Variants in UTP20 observed in about 807,000 individuals in gnomAD.
The protein encoded by UTP20 is small subunit processome component 20 homolog.
In UTP20, 164 loss-of-function variants were observed where a neutral mutation model predicts 329.5. The ratio of observed to expected loss-of-function variants is 0.50; its 90% CI spans 0.44 to 0.57. The LOEUF is 0.57. Ranked by LOEUF, UTP20 falls within the 20% of genes least tolerant of loss-of-function variation. The probability of loss-of-function intolerance (pLI) is 0.00; values close to 1 mark genes in which losing one functional copy is unlikely to be tolerated. For synonymous variants in UTP20, 1,151 were observed against 1,159.3 expected (o/e 0.99, Z 0.14); for missense variants, 3,055 against 3,284.2 (o/e 0.93, Z 1.71).
chr12:101,311,898 A>C, intron 20 of UTP20, 100 bp downstream of exon 20: 2 of 1,552,346 alleles, frequency 1.3e-6, no homozygotes, highest in South Asian at 1.2e-5. Flanking sequence ...ACAGAGATGA[A>C]ACATATATTA....
At chr12:101,381,988 C>T (rs183796107) in intron 58 of UTP20, among the ~76,000 whole-genome samples, 106 of 141,040 alleles carry the variant, frequency 7.5e-4, no homozygotes, top group Admixed American at 2.5e-3. Flanking sequence ...CACTGCACTC[C>T]AGCCTGGGCA....
intron 31 of UTP20, among the ~76,000 whole-genome samples, chr12:101,339,177 G>T (rs1176726889): frequency 6.6e-6 from 1 of 152,140 alleles, no homozygotes; most frequent in Non-Finnish European, 1.5e-5. Flanking sequence ...GCTGGGCGTG[G>T]TGGTGGACAC....
Position 101,345,697 on chromosome 12 carries a change from A to G in UTP20, c.4746+3A>G, listed in dbSNP as rs1191756678. ...TTGAGAACATGAAGCACATTCAGGTAGAAGACAATTCTGCTTTTTCCTACC... is the reference window on the plus strand; with the variant it reads ...TTGAGAACATGAAGCACATTCAGGTGGAAGACAATTCTGCTTTTTCCTACC... On this transcript the variant is annotated splice_donor_region_variant and intron_variant, in intron 37 of 61. Transcript: ENST00000261637. 6.2e-7 allele frequency: 1 copy of G among 1,605,510 alleles called. No homozygotes were observed. The highest frequency in any genetic ancestry group is 1.7e-5 in the Admixed American group (1 of 57,340).
intron 15 of UTP20, 95 bp from the exon 16 acceptor site, chr12:101,305,820 T>C: frequency 7.5e-7 from 1 of 1,339,630 alleles, no homozygotes; most frequent in South Asian, 2.2e-5. Context: ...CTTTTACATT[T>C]TCTTCATCAG....
intron 26 of UTP20, among the ~76,000 whole-genome samples, chr12:101,327,462 T>G (rs1458073441): frequency 6.6e-6 from 1 of 152,232 alleles, no homozygotes; most frequent in East Asian, 1.9e-4. Flanking sequence ...CACCCTTGTG[T>G]TAGAGCCCCT....
chr12:101,302,611 T>C, intron 15 of UTP20, 58 bp downstream of exon 15: 1 of 1,137,228 alleles, frequency 8.8e-7, no homozygotes, highest in South Asian at 1.5e-5. Flanking sequence ...GCCTCTATTG[T>C]TGTGAAATCT....
intron 6 of UTP20, 80 bp downstream of exon 6, chr12:101,289,121 A>G: frequency 7.9e-7 from 1 of 1,265,918 alleles, no homozygotes. Flanking sequence ...TCATGCCTGT[A>G]ATCCCAACAC....
rs1287507270 is a variant in UTP20 at position 101,286,324 on chromosome 12, G to T, written c.330G>T (p.Leu110Phe). The T allele has an allele frequency of 6.3e-7, 1 of 1,591,226 alleles. No individual in the cohort carries two copies. Among genetic ancestry groups the T allele is most frequent in the Admixed American group, 1.8e-5 (1 of 56,546 alleles). The change falls in exon 5 of 62, where the codon TTG becomes TTT. Residue 110 changes from leucine to phenylalanine, a missense_variant. Physicochemically the swap from Leu to Phe is conservative, Grantham distance 22. Around this residue, in one of 3 missense-constraint regions of UTP20, gnomAD observed 2,445 missense variants for 2,575.5 expected, o/e 0.95. Transcript: ENST00000261637. ...GTTGCTTCTTTTTTTAATCCAGTTTGGTTGTACAGTTGGCACGAGATCTGC... is the reference window on the plus strand; with the variant it reads ...GTTGCTTCTTTTTTTAATCCAGTTTTGTTGTACAGTTGGCACGAGATCTGC... Reference protein sequence around the residue: ...NSFAYQPLLDLVVQLARDLQM... With the variant: ...NSFAYQPLLDFVVQLARDLQM...
intron 49 of UTP20, among the ~76,000 whole-genome samples, chr12:101,370,193 G>T (rs1056244375): frequency 2.0e-5 from 3 of 152,162 alleles, no homozygotes; most frequent in Non-Finnish European, 4.4e-5. Flanking sequence ...CTCCAGCCTT[G>T]GTGACAGAGC....
At position 101,363,756 on chromosome 12, in the gene UTP20, A is replaced by G. The variant is rs777123805; in HGVS notation, c.5958+13A>G. ...TCCATTAAAAGAGGTAAGGACGTAA[A>G]TGCAATTCTGGAGATCACAGCATTA... On this transcript the variant is annotated intron_variant, in intron 45 of 61. Coordinates refer to ENST00000261637, the MANE Select transcript of UTP20 (RefSeq NM_014503.3). 1.3e-6 allele frequency: 2 copies of G among 1,544,624 alleles called. No homozygotes were observed. The highest frequency in any genetic ancestry group is 1.8e-6 in the Non-Finnish European group (2 of 1,117,540).
rs1472844098 is a variant in UTP20, at chr12:101,293,213, G to A, written c.1219G>A (p.Glu407Lys). The change falls in exon 11 of 62, where the codon GAA becomes AAA. Residue 407 changes from glutamate to lysine, a missense_variant. Around this residue, in one of 3 missense-constraint regions of UTP20, gnomAD observed 2,445 missense variants for 2,575.5 expected, o/e 0.95. Coordinates refer to ENST00000261637, the MANE Select transcript of UTP20 (RefSeq NM_014503.3). ...FEKRLIFSFS[E>K]VMFAMKQFEQ... ...AAAACGTTTAATTTTCAGTTTTTCT[G>A]AAGTCATGTTTGCCATGAAGCAGTT... 3 of 1,614,094 alleles carry A rather than the reference G, an allele frequency of 1.9e-6. No homozygotes were observed. Among genetic ancestry groups the A allele is most frequent in the Non-Finnish European group, 2.5e-6 (3 of 1,180,026 alleles).
At chr12:101,369,282 A>C (rs1416718180) in intron 48 of UTP20, among the ~76,000 whole-genome samples, 2 of 152,232 alleles carry the variant, frequency 1.3e-5, no homozygotes, top group African/African-American at 2.4e-5. Flanking sequence ...AAAATTGACC[A>C]ACCTATCCAA....
At position 101,383,228 on chromosome 12, in the gene UTP20, G is replaced by A; in HGVS notation, c.7844G>A (p.Arg2615Lys). ...EKEEVKEELG[R>K]PATLLWLIQK... is the part of the protein sequence containing the mutation. Reference sequence around the variant, plus strand: ...GAAGAGGTGAAGGAAGAGCTCGGCAGGCCGGCCACGCTGCTGTGGTTGATC... The same window carrying A: ...GAAGAGGTGAAGGAAGAGCTCGGCAAGCCGGCCACGCTGCTGTGGTTGATC... Residue 2615 changes from arginine (R) to lysine (K), a missense_variant, in exon 59 of 62, where the codon AGG (arginine) becomes AAG (lysine). Arg to Lys is a conservative substitution (Grantham distance 26). This residue lies in a region of UTP20 where 337 missense variants were observed against 345.5 expected (regional missense o/e 0.98). Transcript: ENST00000261637. 6 of 1,614,178 alleles carry A rather than the reference G, an allele frequency of 3.7e-6. No homozygotes were observed. The highest frequency in any genetic ancestry group is 4.2e-6 in the Non-Finnish European group (5 of 1,180,032).
intron 31 of UTP20, among the ~76,000 whole-genome samples, chr12:101,339,312 C>A (rs1869043067): frequency 7.1e-6 from 1 of 141,242 alleles, no homozygotes; most frequent in Non-Finnish European, 1.6e-5. Flanking sequence ...GACTCCATCT[C>A]AAAAATAAAA....
Position 101,386,021 on chromosome 12 carries a change from T to C in UTP20, c.8256T>C (p.Asn2752=). The C allele has an allele frequency of 6.2e-7, 1 of 1,609,388 alleles. No individual in the cohort carries two copies. The highest frequency in any genetic ancestry group is 8.5e-7 in the Non-Finnish European group (1 of 1,178,946). The change falls in exon 62 of 62, where the codon AAT becomes AAC. Residue 2752 remains asparagine (N), a synonymous_variant. Transcript: ENST00000261637. ...AGAAAAAAATGAAGAAACACAAAAA[T>C]AAAAGTGAAGCAAAGAAGAGAAAGA... ...AAKKKMKKHK[N]KSEAKKRKIE...
chr12:101,283,050 C>A (rs761800673), intron 2 of UTP20, among the ~76,000 whole-genome samples: 1 of 152,188 alleles, frequency 6.6e-6, no homozygotes, highest in African/African-American at 2.4e-5. Context: ...ATTTGAAATA[C>A]CTTTGGCCAT....
intron 32 of UTP20, among the ~76,000 whole-genome samples, chr12:101,340,954 T>TAGA (rs1869107413): frequency 4.8e-5 from 1 of 20,958 alleles, no homozygotes; most frequent in Non-Finnish European, 8.0e-5. Flanking sequence ...TTTTTTTTTT[T>TAGA]TTTTTTTTTT....
At chr12:101,355,969 G>T (rs190024870) in intron 41 of UTP20, among the ~76,000 whole-genome samples, 2 of 151,932 alleles carry the variant, frequency 1.3e-5, no homozygotes, top group African/African-American at 4.8e-5. Context: ...TGAAAATCTG[G>T]CTTTATTTTT....
rs761931846 is a variant in UTP20 at position 101,300,070 on chromosome 12, C to A, written c.1675+9C>A. On this transcript the variant is annotated intron_variant, in intron 14 of 61. Coordinates refer to ENST00000261637, the MANE Select transcript of UTP20 (RefSeq NM_014503.3). ...AGGAAGCTTTGGGAAAGGTCAGTTACAATCATCATGTGTTCTCTTCTCTTC... is the reference window on the plus strand; with the variant it reads ...AGGAAGCTTTGGGAAAGGTCAGTTAAAATCATCATGTGTTCTCTTCTCTTC... The A allele has an allele frequency of 4.4e-5, 71 of 1,612,066 alleles. No individual in the cohort carries two copies. The highest frequency in any genetic ancestry group is 5.9e-5 in the Non-Finnish European group (69 of 1,178,210).
Sources: allele counts gnomAD v4.1 joint callset (sites outside exome capture counted in the v4.1 genomes callset), GRCh38; gene constraint gnomAD v4.1.1; regional missense constraint gnomAD v4.1.1; transcripts MANE v1.5; gene names NCBI Gene and HGNC (gene_info 2026-07-23, HGNC 2026-07-21).